Variants in NCKAP5 observed in about 807,000 individuals in gnomAD.
NCKAP5 encodes nck-associated protein 5.
A neutral mutation model predicts 167.0 loss-of-function variants in NCKAP5; 92 were observed. The ratio of observed to expected loss-of-function variants is 0.55; its 90% CI spans 0.47 to 0.66. The LOEUF is 0.66. NCKAP5 is among the 30% of genes least tolerant of loss of function. The pLI is 0.00. For missense variants in NCKAP5, 2,378 were observed against 2,315.0 expected, an observed-to-expected ratio of 1.03 and a Z score of -0.56; for synonymous variants, 891 against 877.4, an observed-to-expected ratio of 1.02 and a Z score of -0.27.
intron 3 of NCKAP5, among the ~76,000 whole-genome samples, chr2:133,347,393 A>G (rs1240526489): frequency 1.3e-5 from 2 of 151,910 alleles, no homozygotes; most frequent in Non-Finnish European, 2.9e-5. Context: ...ATCTCTACTA[A>G]AAGTACAAAA....
intron 15 of NCKAP5, among the ~76,000 whole-genome samples, chr2:132,779,769 C>T (rs1017616288): frequency 6.6e-6 from 1 of 152,156 alleles, no homozygotes; most frequent in African/African-American, 2.4e-5. Context: ...ATCTAAACAT[C>T]AATAAGTATT....
intron 8 of NCKAP5, among the ~76,000 whole-genome samples, chr2:132,944,557 G>A (rs1350709425): frequency 6.6e-6 from 1 of 152,162 alleles, no homozygotes; most frequent in East Asian, 1.9e-4. Context: ...TAGCGCAGTA[G>A]CCTGGATTAG....
chr2:132,801,540 C>T (rs900817789), intron 11 of NCKAP5, among the ~76,000 whole-genome samples: 2 of 152,184 alleles, frequency 1.3e-5, no homozygotes, highest in Admixed American at 6.5e-5. Context: ...GGAAAGAGAC[C>T]TGCTTTCTGT....
chr2:133,556,456 C>T (rs947111540), intron 2 of NCKAP5, among the ~76,000 whole-genome samples: 4 of 152,166 alleles, frequency 2.6e-5, no homozygotes, highest in Non-Finnish European at 5.9e-5. Flanking sequence ...ATTCTTTAAA[C>T]GCCCCACGTG....
At chr2:132,770,973 TATA>T (rs1681993846) in intron 16 of NCKAP5, among the ~76,000 whole-genome samples, 1 of 152,226 alleles carries the variant, frequency 6.6e-6, no homozygotes. Context: ...ATCTAGCACA[TATA>T]ATGATGTATA....
chr2:132,714,910 G>A (rs765066512), intron 19 of NCKAP5: 2 of 456,266 alleles, frequency 4.4e-6, no homozygotes, highest in South Asian at 3.1e-5. Flanking sequence ...CCCAGCCAAA[G>A]GGCTCATGGC....
intron 5 of NCKAP5, among the ~76,000 whole-genome samples, chr2:133,137,010 T>C (rs2082810757): frequency 6.6e-6 from 1 of 152,188 alleles, no homozygotes; most frequent in African/African-American, 2.4e-5. Flanking sequence ...AAAATTAATG[T>C]CTTCATGAAA....
intron 3 of NCKAP5, among the ~76,000 whole-genome samples, chr2:133,333,456 G>A (rs1328785207): frequency 6.6e-6 from 1 of 152,080 alleles, no homozygotes; most frequent in Non-Finnish European, 1.5e-5. Context: ...CTTCCACGAC[G>A]AGGAAAAGCC....
chr2:133,193,889 A>C (rs1332856871), intron 5 of NCKAP5, among the ~76,000 whole-genome samples: 1 of 152,162 alleles, frequency 6.6e-6, no homozygotes, highest in African/African-American at 2.4e-5. Flanking sequence ...ACAAAATACC[A>C]ACATATTTTA....
At chr2:132,805,094 G>T (rs1224005434) in intron 11 of NCKAP5, among the ~76,000 whole-genome samples, 1 of 151,932 alleles carries the variant, frequency 6.6e-6, no homozygotes, top group Non-Finnish European at 1.5e-5. Flanking sequence ...GCAGATAATT[G>T]GGAAGGAAAT....
intron 8 of NCKAP5, among the ~76,000 whole-genome samples, chr2:132,888,734 G>A (rs1417475198): frequency 6.6e-6 from 1 of 152,172 alleles, no homozygotes; most frequent in Non-Finnish European, 1.5e-5. Context: ...TACACCATCT[G>A]ACACATTCTG....
Position 133,390,405 on chromosome 2 carries a change from G to A in NCKAP5, c.70-87295C>T, listed in dbSNP as rs111453754. ...GGAGGACATAAAGCTTCCCACACACGACCCGATACCCTGGAGGAACACAGG... is the reference window on the plus strand; with the variant it reads ...GGAGGACATAAAGCTTCCCACACACAACCCGATACCCTGGAGGAACACAGG... On this transcript the variant is annotated intron_variant, in intron 3 of 19. Coordinates refer to ENST00000409261, the MANE Select transcript of NCKAP5 (RefSeq NM_207363.3). Among the ~76,000 whole-genome samples, 89 of 152,264 alleles carry A rather than the reference G, an allele frequency of 5.8e-4. 2 individuals are homozygous for A. Among genetic ancestry groups the A allele is most frequent in the African/African-American group, 2.0e-3 (83 of 41,558 alleles).
the NCKAP5 span, among the ~76,000 whole-genome samples, chr2:133,618,776 A>G: frequency 2.0e-5 from 3 of 146,418 alleles, no homozygotes; most frequent in South Asian, 2.2e-4. Context: ...AACTGGAAAT[A>G]CCATTTGACC....
intron 16 of NCKAP5, among the ~76,000 whole-genome samples, chr2:132,770,481 A>G (rs564760299): frequency 6.7e-6 from 1 of 149,230 alleles, no homozygotes; most frequent in South Asian, 2.1e-4. Flanking sequence ...TAATAACTTT[A>G]TTATTTATGT....
At chr2:133,504,943 T>G (rs1312378289) in intron 3 of NCKAP5, among the ~76,000 whole-genome samples, 1 of 152,178 alleles carries the variant, frequency 6.6e-6, no homozygotes, top group Non-Finnish European at 1.5e-5. Context: ...TGCTCTAAGC[T>G]GGCAGAGCTT....
chr2:133,096,888 T>C (rs1015346666), intron 6 of NCKAP5, among the ~76,000 whole-genome samples: 2 of 152,324 alleles, frequency 1.3e-5, no homozygotes, highest in Non-Finnish European at 2.9e-5. Context: ...CAATAATATT[T>C]AGAACATGCT....
chr2:133,255,087 G>T (rs976735887), intron 4 of NCKAP5, among the ~76,000 whole-genome samples: 5 of 151,898 alleles, frequency 3.3e-5, no homozygotes, highest in Non-Finnish European at 5.9e-5. Flanking sequence ...TGTGGTGGTT[G>T]TCAGAATAAA....
intron 8 of NCKAP5, among the ~76,000 whole-genome samples, chr2:132,961,325 G>T (rs1171129607): frequency 7.5e-6 from 1 of 133,594 alleles, no homozygotes; most frequent in Non-Finnish European, 1.6e-5. Context: ...TATATAAGAA[G>T]ATATATTTAT....
At chr2:133,670,509 C>G in the NCKAP5 span, among the ~76,000 whole-genome samples, 1 of 152,170 alleles carries the variant, frequency 6.6e-6, no homozygotes, top group African/African-American at 2.4e-5. Context: ...CCACAGACTT[C>G]GAGAAAACAT....
Sources: allele counts gnomAD v4.1 joint callset (sites outside exome capture counted in the v4.1 genomes callset), GRCh38; gene constraint gnomAD v4.1.1; transcripts MANE v1.5; gene names NCBI Gene and HGNC (gene_info 2026-07-23, HGNC 2026-07-21).